Variants in PAPSS1 observed in about 807,000 individuals in gnomAD.
The protein encoded by PAPSS1 is 3'-phosphoadenosine 5'-phosphosulfate synthase 1.
PAPSS1 carries 50 observed loss-of-function variants against 72.0 expected under a neutral mutation model. The ratio of observed to expected loss-of-function variants is 0.69; its 90% CI spans 0.55 to 0.88. The LOEUF (loss-of-function observed/expected upper bound fraction) is 0.88, where lower values mean the gene tolerates loss of function less well. Ranked by LOEUF, PAPSS1 falls within the 40% of genes least tolerant of loss-of-function variation. The probability of loss-of-function intolerance (pLI) is 0.00; values close to 1 mark genes in which losing one functional copy is unlikely to be tolerated. For synonymous variants in PAPSS1, 261 were observed against 263.6 expected, an observed-to-expected ratio of 0.99 and a Z score of 0.09; for missense variants, 657 against 782.2, an observed-to-expected ratio of 0.84 and a Z score of 1.91.
intron 3 of PAPSS1, among the ~76,000 whole-genome samples, chr4:107,687,562 A>G (rs1223220446): frequency 6.6e-6 from 1 of 152,164 alleles, no homozygotes. Flanking sequence ...TTCACAAAAA[A>G]GATCCATTCA....
intron 10 of PAPSS1, among the ~76,000 whole-genome samples, chr4:107,633,688 G>A (rs1165561871): frequency 6.6e-6 from 1 of 152,042 alleles, no homozygotes; most frequent in Non-Finnish European, 1.5e-5. Context: ...GGGAGGCTGA[G>A]GCGGGCAGAT....
chr4:107,614,077 C>T lies in PAPSS1; in HGVS notation c.*172G>A, dbSNP rs1725757618. ...ACATTAAAACCATCAGTGTGTTACA[C>T]TTGTTCAAAACAGAACTCATAAGGC... On this transcript the variant is annotated 3_prime_UTR_variant, in exon 12 of 12. Transcript: ENST00000265174. The T allele has an allele frequency of 6.0e-6, 3 of 496,994 alleles. No individual in the cohort carries two copies. The highest frequency in any genetic ancestry group is 1.1e-5 in the Non-Finnish European group (3 of 279,884). 30.8% of individuals were successfully genotyped at this position (496,994 alleles called of 1,614,324 possible).
intron 1 of PAPSS1, among the ~76,000 whole-genome samples, chr4:107,711,714 G>A (rs1338949196): frequency 1.3e-5 from 2 of 152,144 alleles, no homozygotes; most frequent in African/African-American, 4.8e-5. Flanking sequence ...TAACAATATG[G>A]ATAAATGAGA....
chr4:107,662,228 C>T (rs1473354523), intron 5 of PAPSS1, among the ~76,000 whole-genome samples: 2 of 152,142 alleles, frequency 1.3e-5, no homozygotes, highest in Non-Finnish European at 2.9e-5. Context: ...GCCTCTTGTC[C>T]CTCTAGGGTC....
chr4:107,631,870 A>T lies in PAPSS1; in HGVS notation c.1507-10T>A, dbSNP rs745593566. 6 of 1,593,178 alleles carry T rather than the reference A, an allele frequency of 3.8e-6. No homozygotes were observed. The highest frequency in any genetic ancestry group is 3.3e-4 in the Middle Eastern group (2 of 6,002). ...TGCAATGCCACTGGACCTAGAATAA[A>T]AGTTTCATTTTAGGTAACTTTGCTT... On this transcript the variant is annotated splice_polypyrimidine_tract_variant and intron_variant, in intron 10 of 11. Transcript: ENST00000265174.
At chr4:107,718,613 A>C (rs1435350564) in intron 1 of PAPSS1, among the ~76,000 whole-genome samples, 1 of 152,196 alleles carries the variant, frequency 6.6e-6, no homozygotes, top group Non-Finnish European at 1.5e-5. Context: ...AACACAAACC[A>C]TGAACTACCA....
At position 107,665,019 on chromosome 4, in the gene PAPSS1, A is replaced by T. The variant is rs896724822; in HGVS notation, c.670-4947T>A. On this transcript the variant is annotated intron_variant, in intron 5 of 11. Transcript: ENST00000265174. ...AACTTCAATACAAAATTCTTCTGAT[A>T]CCTAACCAATGCCAAAATAAACATT... Among the ~76,000 whole-genome samples the T allele has an allele frequency of 3.3e-5, 5 of 152,224 alleles. No individual in the cohort carries two copies. In the East Asian group the frequency reaches 9.6e-4, roughly 29 times the overall value.
intron 6 of PAPSS1, among the ~76,000 whole-genome samples, chr4:107,657,716 G>A (rs1462936945): frequency 6.6e-6 from 1 of 150,802 alleles, no homozygotes; most frequent in Admixed American, 6.6e-5. Context: ...CAGCCTGGCA[G>A]CCTGGGCAGT....
chr4:107,685,044 T>C (rs544382957), intron 4 of PAPSS1, among the ~76,000 whole-genome samples: 71 of 152,332 alleles, frequency 4.7e-4, no homozygotes, highest in Middle Eastern at 6.8e-3. Context: ...TAGCTGGGAC[T>C]ACAGGCGCCC....
chr4:107,699,753 C>A (rs1433250943), intron 2 of PAPSS1, among the ~76,000 whole-genome samples: 1 of 152,074 alleles, frequency 6.6e-6, no homozygotes, highest in East Asian at 1.9e-4. Context: ...TGCCAGAAGA[C>A]AATAGAGTAC....
rs1726653955 is a variant in PAPSS1, at chr4:107,644,979, G to T, written c.1329C>A (p.Gly443=). Residue 443 remains glycine, a synonymous_variant, in exon 10 of 12, where the codon GGC becomes GGA. Transcript: ENST00000265174. ...QDTHKQLLER[G]YRRPVLLLHP... ...GGAGGAGGAGGACAGGGCGCCGGTAGCCCCTCTCTAGAAGTTGCTTATGGG... is the reference window on the plus strand; with the variant it reads ...GGAGGAGGAGGACAGGGCGCCGGTATCCCCTCTCTAGAAGTTGCTTATGGG... The T allele has an allele frequency of 6.2e-7, 1 of 1,613,334 alleles. No homozygotes were observed. Among genetic ancestry groups the T allele is most frequent in the Non-Finnish European group, 8.5e-7 (1 of 1,179,598 alleles).
intron 11 of PAPSS1, among the ~76,000 whole-genome samples, chr4:107,617,161 T>G (rs565345071): frequency 6.6e-6 from 1 of 152,024 alleles, no homozygotes. Context: ...TTGTTATCTG[T>G]GTGCTCAATG....
At chr4:107,614,462 T>C in intron 11 of PAPSS1, 75 bp from the exon 12 acceptor site, 3 of 1,135,702 alleles carry the variant, frequency 2.6e-6, no homozygotes, top group Non-Finnish European at 2.5e-6. Flanking sequence ...TTGTTCCTTC[T>C]GTTCATATTA....
chr4:107,634,752 G>A (rs1269183090), intron 10 of PAPSS1, among the ~76,000 whole-genome samples: 1 of 147,340 alleles, frequency 6.8e-6, no homozygotes, highest in African/African-American at 2.5e-5. Context: ...TCTAAATTTT[G>A]CAAAAAATAT....
At position 107,660,040 on chromosome 4, in the gene PAPSS1, T is replaced by C. The variant is rs192523087; in HGVS notation, c.702A>G (p.Val234=). Residue 234 remains valine, a synonymous_variant, in exon 6 of 12, where the codon GTA becomes GTG. Coordinates refer to ENST00000265174, the MANE Select transcript of PAPSS1 (RefSeq NM_005443.5). ...DIVPVDASYE[V]KELYVPENKL... Reference sequence around the variant, plus strand: ...TATTTTCTGGCACATATAGTTCTTTTACTTCATAAGATGCATCCACAGGTA... The same window carrying C: ...TATTTTCTGGCACATATAGTTCTTTCACTTCATAAGATGCATCCACAGGTA... The C allele has an allele frequency of 1.2e-6, 2 of 1,600,514 alleles. No homozygotes were observed. Among genetic ancestry groups the C allele is most frequent in the African/African-American group, 1.3e-5 (1 of 74,652 alleles).
chr4:107,713,738 C>T (rs544597825), intron 1 of PAPSS1, among the ~76,000 whole-genome samples: 4 of 136,726 alleles, frequency 2.9e-5, no homozygotes, highest in South Asian at 4.7e-4. Flanking sequence ...AGTCTGGCAA[C>T]AGAGCAAGAC....
chr4:107,631,551 A>T, intron 11 of PAPSS1, 80 bp downstream of exon 11: 1 of 983,512 alleles, frequency 1.0e-6, no homozygotes, highest in East Asian at 2.4e-5. Context: ...ATCAGTAAAG[A>T]TTAGACAATA....
At chr4:107,618,467 A>C (rs1161259894) in intron 11 of PAPSS1, among the ~76,000 whole-genome samples, 2 of 151,662 alleles carry the variant, frequency 1.3e-5, no homozygotes, top group African/African-American at 4.9e-5. Flanking sequence ...GAGGAGGATG[A>C]GTGCCAGGAG....
rs201166328 is a variant in PAPSS1 at position 107,644,939 on chromosome 4, A to G, written c.1369T>C (p.Trp457Arg). Residue 457 changes from tryptophan (W) to arginine (R), a missense_variant, in exon 10 of 12, where the codon TGG (tryptophan) becomes CGG (arginine). Physicochemically the swap from Trp to Arg is moderately radical, Grantham distance 101. Coordinates refer to ENST00000265174, the MANE Select transcript of PAPSS1 (RefSeq NM_005443.5). The stretch of plus-strand genomic sequence containing the variant: ...AAAGGAACATCGTCATCCTTTGTCC[A>G]GCCACCCAGAGGGTGGAGGAGGAGG... ...PVLLLHPLGGWTKDDDVPLMW... is the reference protein window; with the variant it reads ...PVLLLHPLGGRTKDDDVPLMW... 8.2e-5 allele frequency: 132 copies of G among 1,613,948 alleles called. 1 individual carries two copies. Among genetic ancestry groups the G allele is most frequent in the Non-Finnish European group, 1.0e-4 (122 of 1,179,952 alleles).
Sources: gnomAD v4.1 joint callset for allele counts (sites outside exome capture counted in the v4.1 genomes callset) on GRCh38, gnomAD v4.1.1 for gene constraint, MANE v1.5 for transcripts, NCBI Gene and HGNC (gene_info 2026-07-23, HGNC 2026-07-21) for gene names.